Variants in GRAMD4 observed in about 807,000 individuals in gnomAD.
The protein encoded by GRAMD4 is GRAM domain-containing protein 4.
A neutral mutation model predicts 83.9 loss-of-function variants in GRAMD4; 25 were observed. The ratio of observed to expected loss-of-function variants is 0.30; its 90% CI spans 0.22 to 0.42. The LOEUF is 0.42. Among genes scored for constraint, GRAMD4 ranks in the 10% least tolerant of loss-of-function variants. The probability of loss-of-function intolerance (pLI) is 1.00; values close to 1 mark genes in which losing one functional copy is unlikely to be tolerated. For missense variants in GRAMD4, 593 were observed against 788.7 expected, an observed-to-expected ratio of 0.75 and a Z score of 2.97; for synonymous variants, 336 against 320.9, an observed-to-expected ratio of 1.05 and a Z score of -0.50.
At chr22:46,597,853 G>A (rs1486336216) in intron 1 of GRAMD4, among the ~76,000 whole-genome samples, 1 of 152,150 alleles carries the variant, frequency 6.6e-6, no homozygotes, top group Non-Finnish European at 1.5e-5. Context: ...CCTTCTGGGG[G>A]CAAGTTTAGG....
At chr22:46,593,558 C>G (rs1184921795) in intron 1 of GRAMD4, among the ~76,000 whole-genome samples, 1 of 152,082 alleles carries the variant, frequency 6.6e-6, no homozygotes, top group Non-Finnish European at 1.5e-5. Context: ...CCGTAGCAGG[C>G]TGTTCAGTGC....
chr22:46,642,497 C>T (rs1209080383), intron 3 of GRAMD4, among the ~76,000 whole-genome samples: 3 of 152,202 alleles, frequency 2.0e-5, no homozygotes, highest in Non-Finnish European at 2.9e-5. Flanking sequence ...TGAACATCAT[C>T]GGCATTACAC....
intron 2 of GRAMD4, among the ~76,000 whole-genome samples, chr22:46,629,117 C>G (rs555246242): frequency 6.6e-5 from 10 of 152,152 alleles, no homozygotes; most frequent in East Asian, 3.9e-4. Flanking sequence ...CTCAGGGACT[C>G]GGACGTCTGG....
At chr22:46,667,715 A>G (rs1474699969) in intron 10 of GRAMD4, among the ~76,000 whole-genome samples, 3 of 152,254 alleles carry the variant, frequency 2.0e-5, no homozygotes, top group East Asian at 1.9e-4. Context: ...ACTGGGACCC[A>G]GGAGACCTTG....
chr22:46,636,043 TTTAGCC>T (rs2081882009), intron 2 of GRAMD4, among the ~76,000 whole-genome samples: 1 of 151,970 alleles, frequency 6.6e-6, no homozygotes, highest in Non-Finnish European at 1.5e-5. Flanking sequence ...CATGGGGACG[TTTAGCC>T]CCCGGGGTCT....
chr22:46,678,652 A>G lies in GRAMD4; in HGVS notation c.*1401A>G, dbSNP rs2082634086. 4 of 985,404 alleles carry G rather than the reference A, an allele frequency of 4.1e-6. No individual in the cohort carries two copies. Among genetic ancestry groups the G allele is most frequent in the Non-Finnish European group, 4.8e-6 (4 of 829,890 alleles). The allele number at this position is 985,404 out of a possible 1,614,324, so 61.0% of individuals were successfully genotyped here. A position where few individuals can be genotyped will look rare whatever the true frequency, so the allele number is the denominator to read the frequency against. On this transcript the variant is annotated 3_prime_UTR_variant, in exon 19 of 19. Transcript: ENST00000406902. Reference sequence around the variant, plus strand: ...GATTGTTGTTTTTTGAAGAAACAGAAGATTCTATTTTTTACAGCGAGCAAG... The same window carrying G: ...GATTGTTGTTTTTTGAAGAAACAGAGGATTCTATTTTTTACAGCGAGCAAG...
intron 1 of GRAMD4, among the ~76,000 whole-genome samples, chr22:46,607,932 G>C (rs1349235408): frequency 2.0e-5 from 3 of 152,144 alleles, no homozygotes; most frequent in African/African-American, 7.2e-5. Flanking sequence ...TCCTGGGCTG[G>C]TGCCGGCTGC....
At chr22:46,577,597 G>C (rs1444731486) in intron 1 of GRAMD4, among the ~76,000 whole-genome samples, 1 of 151,892 alleles carries the variant, frequency 6.6e-6, no homozygotes, top group African/African-American at 2.4e-5. Context: ...TGGGGTGGGG[G>C]TCGCCGGACC....
At chr22:46,606,824 T>C (rs1313625954) in intron 1 of GRAMD4, among the ~76,000 whole-genome samples, 2 of 152,262 alleles carry the variant, frequency 1.3e-5, no homozygotes, top group Non-Finnish European at 2.9e-5. Context: ...GGTGCTGCTG[T>C]GGACATGGGT....
downstream of GRAMD4, among the ~76,000 whole-genome samples, chr22:46,680,233 G>A (rs2082653494): frequency 6.6e-6 from 1 of 152,104 alleles, no homozygotes. Context: ...CAACACTTGG[G>A]GCTTGGTCCA....
intron 1 of GRAMD4, among the ~76,000 whole-genome samples, chr22:46,594,564 G>A (rs1233654469): frequency 6.8e-6 from 1 of 146,734 alleles, no homozygotes; most frequent in Non-Finnish European, 1.5e-5. Context: ...TTGTGTGGGT[G>A]GTGAGGGACC....
intron 3 of GRAMD4, among the ~76,000 whole-genome samples, chr22:46,643,145 A>ATCTG (rs2082006249): frequency 1.7e-5 from 2 of 119,884 alleles, no homozygotes; most frequent in Admixed American, 8.0e-5. Context: ...GCATCCTTCC[A>ATCTG]TCCATCCATC....
intron 2 of GRAMD4, among the ~76,000 whole-genome samples, chr22:46,631,030 T>A (rs564240084): frequency 6.6e-6 from 1 of 152,270 alleles, no homozygotes; most frequent in East Asian, 1.9e-4. Flanking sequence ...GGCTTCTCTC[T>A]CCACCGCCCC....
At chr22:46,634,445 G>A (rs1472559152) in intron 2 of GRAMD4, among the ~76,000 whole-genome samples, 3 of 152,226 alleles carry the variant, frequency 2.0e-5, no homozygotes, top group Non-Finnish European at 4.4e-5. Context: ...CAGACTCAGC[G>A]AAGGGGCAGA....
upstream of GRAMD4, among the ~76,000 whole-genome samples, chr22:46,618,052 C>T (rs2081526871): frequency 6.6e-6 from 1 of 152,172 alleles, no homozygotes; most frequent in Admixed American, 6.5e-5. This position sits in a 1 kb window ranked among gnomAD's most constrained non-coding sequence, Gnocchi z 5.8. Flanking sequence ...GGAAAGAAAG[C>T]TCAGCTGGTG....
At position 46,621,438 on chromosome 22, in the gene GRAMD4, C is replaced by T; in HGVS notation, c.-50+873C>T. Reference sequence around the variant, plus strand: ...TGCAGTGCGGGGGCTGCCCATGTGGCCGTGGAGGGCACCCCTACCCCGGTG... The same window carrying T: ...TGCAGTGCGGGGGCTGCCCATGTGGTCGTGGAGGGCACCCCTACCCCGGTG... On this transcript the variant is annotated intron_variant, in intron 1 of 18. Coordinates refer to ENST00000406902, the MANE Select transcript of GRAMD4 (RefSeq NM_015124.5). This position sits in a 1 kb window ranked among gnomAD's most constrained non-coding sequence, Gnocchi z 5.8. Among the ~76,000 whole-genome samples the T allele has an allele frequency of 6.6e-6, 1 of 152,166 alleles. No homozygotes were observed. Among genetic ancestry groups the T allele is most frequent in the Non-Finnish European group, 1.5e-5 (1 of 68,022 alleles).
chr22:46,582,780 G>A (rs918025474), intron 1 of GRAMD4, among the ~76,000 whole-genome samples: 2 of 152,206 alleles, frequency 1.3e-5, no homozygotes, highest in Admixed American at 1.3e-4. Context: ...CACACTCATT[G>A]AAAGTGCACA....
rs1172207991 is a variant in GRAMD4 at position 46,663,707 on chromosome 22, G to C, written c.600-131G>C. On this transcript the variant is annotated intron_variant, in intron 6 of 18. Coordinates refer to ENST00000406902, the MANE Select transcript of GRAMD4 (RefSeq NM_015124.5). ...GAGCCGCCGTGCATGGCCATTCTGT[G>C]CACTCAAGGGGTCCCAGGCTGTTGA... is the stretch of plus-strand genomic sequence containing the variant. 1.1e-5 allele frequency: 9 copies of C among 855,894 alleles called. No homozygotes were observed. In the East Asian group the frequency reaches 2.2e-4, roughly 21 times the overall value. 53.0% of individuals were successfully genotyped at this position (855,894 alleles called of 1,614,324 possible).
In GRAMD4 at chr22:46,672,909, C is replaced by T. The variant is rs2082532612; in HGVS notation, c.1151C>T (p.Ala384Val). 1.2e-6 allele frequency: 2 copies of T among 1,612,116 alleles called. No individual in the cohort carries two copies. Among genetic ancestry groups the T allele is most frequent in the Non-Finnish European group, 1.7e-6 (2 of 1,179,356 alleles). ...FIFKRCPRLRAKYDTPYIIWR... is the reference protein window; with the variant it reads ...FIFKRCPRLRVKYDTPYIIWR... ...TTTAAACGCTGCCCGAGGCTGCGCGCCAAGTACGACACGCCCTATATCATC... is the reference window on the plus strand; with the variant it reads ...TTTAAACGCTGCCCGAGGCTGCGCGTCAAGTACGACACGCCCTATATCATC... The change falls in exon 14 of 19, where the codon GCC (alanine) becomes GTC (valine). Residue 384 changes from alanine to valine, a missense_variant. By Grantham distance (64) the Ala-to-Val change is moderately conservative (BLOSUM62 0). Coordinates refer to ENST00000406902, the MANE Select transcript of GRAMD4 (RefSeq NM_015124.5). This position sits in a 1 kb window ranked among gnomAD's most constrained non-coding sequence, Gnocchi z 4.7.
Sources: allele counts gnomAD v4.1 joint callset (sites outside exome capture counted in the v4.1 genomes callset), GRCh38; gene constraint gnomAD v4.1.1; non-coding constraint Gnocchi (gnomAD v3.1); transcripts MANE v1.5; gene names NCBI Gene and HGNC (gene_info 2026-07-23, HGNC 2026-07-21).